Variants in CRTC3 observed in about 807,000 individuals in gnomAD.
The protein encoded by CRTC3 is CREB regulated transcription coactivator 3, also known as CREB-regulated transcription coactivator 3.
A neutral mutation model predicts 74.5 loss-of-function variants in CRTC3; 26 were observed. The ratio of observed to expected loss-of-function variants is 0.35; its 90% CI spans 0.26 to 0.48. The LOEUF (loss-of-function observed/expected upper bound fraction) is 0.48. Among genes scored for constraint, CRTC3 ranks in the 20% least tolerant of loss-of-function variants. CRTC3 has a pLI of 0.99. For synonymous variants in CRTC3, 377 were observed against 325.8 expected (o/e 1.16, Z -1.69); for missense variants, 760 against 787.3 (o/e 0.97, Z 0.41).
At chr15:90,535,175 A>G (rs1966698201) in intron 1 of CRTC3, among the ~76,000 whole-genome samples, 1 of 152,036 alleles carries the variant, frequency 6.6e-6, no homozygotes, top group African/African-American at 2.4e-5. Context: ...AAAAAAAAAA[A>G]AAAAAGAAAG....
rs191392796 is a variant in CRTC3, at chr15:90,627,284, G to A, written c.967+1291G>A. Among the ~76,000 whole-genome samples the A allele has an allele frequency of 3.3e-5, 5 of 152,270 alleles. No homozygotes were observed. In the East Asian group the frequency reaches 5.8e-4, roughly 18 times the overall value. On this transcript the variant is annotated intron_variant, in intron 10 of 14. Transcript: ENST00000268184. ...CCTTAATAGTAGCAGGTTTTTCATCGACTGAGTCTCAGTTTTGATATTTAT... is the reference window on the plus strand; with the variant it reads ...CCTTAATAGTAGCAGGTTTTTCATCAACTGAGTCTCAGTTTTGATATTTAT...
At chr15:90,550,155 G>A (rs1966852162) in intron 2 of CRTC3, among the ~76,000 whole-genome samples, 1 of 151,544 alleles carries the variant, frequency 6.6e-6, no homozygotes, top group South Asian at 2.1e-4. Context: ...TTGGCTGAGT[G>A]TGGTGGCTCA....
rs1485559507 is a variant in CRTC3 at position 90,642,092 on chromosome 15, CCTG to C, written c.1816_1818del (p.Leu606del). The C allele has an allele frequency of 1.2e-6, 2 of 1,614,042 alleles. No homozygotes were observed. Among genetic ancestry groups the C allele is most frequent in the Admixed American group, 3.3e-5 (2 of 60,030 alleles). On this transcript the variant is annotated inframe_deletion, in exon 15 of 15. Transcript: ENST00000268184. Reference sequence around the variant, plus strand: ...ACATGTTAAGTGACTCCAGCATGGGCCTGCTGGACCCCTCTGTTGAAGAGACGT... The same window carrying C: ...ACATGTTAAGTGACTCCAGCATGGGCCTGGACCCCTCTGTTGAAGAGACGT...
chr15:90,591,671 G>C (rs1482120199), intron 2 of CRTC3, among the ~76,000 whole-genome samples: 1 of 152,136 alleles, frequency 6.6e-6, no homozygotes, highest in African/African-American at 2.4e-5. Context: ...TAAAAATGTA[G>C]CCAGCATGTT....
At chr15:90,618,176 C>A in intron 8 of CRTC3, 1 of 290,638 alleles carries the variant, frequency 3.4e-6, no homozygotes, top group Non-Finnish European at 6.2e-6. Flanking sequence ...GATCTCTTGG[C>A]TTACTAATTT....
chr15:90,631,312 C>T (rs1011820642), intron 11 of CRTC3, among the ~76,000 whole-genome samples: 1 of 152,174 alleles, frequency 6.6e-6, no homozygotes, highest in Non-Finnish European at 1.5e-5. Flanking sequence ...ACGATCGCGG[C>T]TCCCTTGCCT....
chr15:90,559,621 T>G (rs1246222495), intron 2 of CRTC3, among the ~76,000 whole-genome samples: 2 of 151,938 alleles, frequency 1.3e-5, no homozygotes, highest in East Asian at 1.9e-4. Flanking sequence ...TTTGTGGTTG[T>G]TTGTTTGTTT....
intron 2 of CRTC3, among the ~76,000 whole-genome samples, chr15:90,550,697 T>C (rs1966853948): frequency 1.3e-5 from 2 of 152,090 alleles, no homozygotes; most frequent in African/African-American, 4.8e-5. Context: ...CTGCTTTTTT[T>C]TTTGTTATTT....
chr15:90,633,926 G>T (rs2151095403), intron 11 of CRTC3, among the ~76,000 whole-genome samples: 1 of 151,390 alleles, frequency 6.6e-6, no homozygotes, highest in Admixed American at 6.6e-5. Context: ...TTTGTTCTCT[G>T]AGTGTTCTTT....
intron 9 of CRTC3, 58 bp from the exon 10 acceptor site, chr15:90,625,702 AGGTTTCAGCCATGTTT>A (rs941400341): frequency 1.5e-6 from 2 of 1,325,590 alleles, no homozygotes; most frequent in Admixed American, 1.7e-5. Context: ...GACAAGGAAA[AGGTTTCAGCCATGTTT>A]GGTTTCCCAA....
In CRTC3 at chr15:90,530,256, C is replaced by T. The variant is rs180995634; in HGVS notation, c.132+53C>T. 5.6e-4 allele frequency: 569 copies of T among 1,016,922 alleles called. 2 individuals carry two copies. The African/African-American group carries it at 9.1e-3, about 16-fold the overall frequency. The allele number at this position is 1,016,922 out of a possible 1,614,324, so 63.0% of individuals were successfully genotyped here. ...GGCGGCCACGGCCGCGGGCGGGACCCGCGCGGCGGGTGAGAGGTTGCGGGG... is the reference window on the plus strand; with the variant it reads ...GGCGGCCACGGCCGCGGGCGGGACCTGCGCGGCGGGTGAGAGGTTGCGGGG... On this transcript the variant is annotated intron_variant, in intron 1 of 14. Transcript: ENST00000268184. This position sits in a 1 kb window ranked among gnomAD's most constrained non-coding sequence, Gnocchi z 6.2.
chr15:90,551,033 C>G (rs1023605072), intron 2 of CRTC3, among the ~76,000 whole-genome samples: 2 of 152,074 alleles, frequency 1.3e-5, no homozygotes, highest in African/African-American at 2.4e-5. Flanking sequence ...CCTCTACTTC[C>G]TTTTTCTGAA....
intron 2 of CRTC3, among the ~76,000 whole-genome samples, chr15:90,548,617 A>G (rs2094565636): frequency 6.6e-6 from 1 of 152,246 alleles, no homozygotes; most frequent in Admixed American, 6.5e-5. Context: ...ACATCAGTTA[A>G]ACAAAAGAAA....
At chr15:90,535,696 G>A (rs1488720001) in intron 1 of CRTC3, among the ~76,000 whole-genome samples, 2 of 152,100 alleles carry the variant, frequency 1.3e-5, no homozygotes, top group South Asian at 2.1e-4. Flanking sequence ...ATAGATTAGC[G>A]AGCTCTCAGG....
In CRTC3 at chr15:90,530,216, G is replaced by T; in HGVS notation, c.132+13G>T. ...CACCCTGTCGCGGGTGAGGGCCCGG[G>T]CCGGCGCGGGCGGGGGCGGCCACGG... On this transcript the variant is annotated intron_variant, in intron 1 of 14. Coordinates refer to ENST00000268184, the MANE Select transcript of CRTC3 (RefSeq NM_022769.5). The surrounding 1 kb of genome is among the most constrained non-coding windows in gnomAD (Gnocchi z 6.2). 1.7e-6 allele frequency: 2 copies of T among 1,145,142 alleles called. No homozygotes were observed. Among genetic ancestry groups the T allele is most frequent in the South Asian group, 3.0e-5 (1 of 33,690 alleles). 70.9% of individuals were successfully genotyped at this position (1,145,142 alleles called of 1,614,324 possible).
intron 2 of CRTC3, among the ~76,000 whole-genome samples, chr15:90,577,390 A>G (rs1223073792): frequency 6.6e-6 from 1 of 152,182 alleles, no homozygotes; most frequent in Non-Finnish European, 1.5e-5. Context: ...TAGTGTTGGT[A>G]TATGTTCCCT....
chr15:90,589,880 A>G (rs1967759249), intron 2 of CRTC3, among the ~76,000 whole-genome samples: 1 of 151,854 alleles, frequency 6.6e-6, no homozygotes, highest in Non-Finnish European at 1.5e-5. Context: ...CCAGCTACTC[A>G]GGAAACTAAG....
rs1374980410 is a variant in CRTC3 at position 90,530,972 on chromosome 15, C to T, written c.132+769C>T. ...CAACCGGAGTGTCCGCGCAGGGTTG[C>T]AGAGAAGGGGGGTCAGCAGGAGTGG... On this transcript the variant is annotated intron_variant, in intron 1 of 14. Coordinates refer to ENST00000268184, the MANE Select transcript of CRTC3 (RefSeq NM_022769.5). This position sits in a 1 kb window ranked among gnomAD's most constrained non-coding sequence, Gnocchi z 6.2. Among the ~76,000 whole-genome samples, 1 of 151,702 alleles carries T rather than the reference C, an allele frequency of 6.6e-6. No homozygotes were observed. Among genetic ancestry groups the T allele is most frequent in the Non-Finnish European group, 1.5e-5 (1 of 67,976 alleles).
chr15:90,545,779 T>G (rs7498065), intron 2 of CRTC3, among the ~76,000 whole-genome samples: 3 of 151,930 alleles, frequency 2.0e-5, no homozygotes, highest in South Asian at 2.1e-4. Context: ...GGGGTTTCAC[T>G]GTGTTAGCCA....
Sources: gnomAD v4.1 joint callset for allele counts (sites outside exome capture counted in the v4.1 genomes callset) on GRCh38, gnomAD v4.1.1 for gene constraint, Gnocchi (gnomAD v3.1) non-coding constraint, MANE v1.5 for transcripts, NCBI Gene and HGNC (gene_info 2026-07-23, HGNC 2026-07-21) for gene names.